The following IKZF5 variants were observed in gnomAD, a reference collection of about 807,000 sequenced individuals.
The protein encoded by IKZF5 is IKAROS family zinc finger 5.
IKZF5 carries 4 observed loss-of-function variants against 30.7 expected under a neutral mutation model. That is an observed-to-expected ratio of 0.13 (90% CI 0.06 to 0.30). The LOEUF is 0.30. Among genes scored for constraint, IKZF5 ranks in the 10% least tolerant of loss-of-function variants. The probability of loss-of-function intolerance (pLI) is 1.00; values close to 1 mark genes in which losing one functional copy is unlikely to be tolerated. For synonymous variants in IKZF5, 148 were observed against 179.6 expected, an observed-to-expected ratio of 0.82 and a Z score of 1.41; for missense variants, 348 against 525.5, an observed-to-expected ratio of 0.66 and a Z score of 3.30.
In IKZF5 at chr10:122,991,737, T is replaced by C. The variant is rs1467821095; in HGVS notation, c.*2043A>G. ...TGCTCTTTAAGTCATGGCAAAATTA[T>C]AATTTTACATTCTAGTATGTAATTA... is the stretch of plus-strand genomic sequence containing the variant. On this transcript the variant is annotated 3_prime_UTR_variant, in exon 5 of 5. Coordinates refer to ENST00000368886, the MANE Select transcript of IKZF5 (RefSeq NM_001372123.1). 2 of 152,202 alleles carry C rather than the reference T, an allele frequency of 1.3e-5. No homozygotes were observed. The highest frequency in any genetic ancestry group is 2.4e-5 in the African/African-American group (1 of 41,456). The allele number at this position is 152,202 out of a possible 1,614,324, so 9.4% of individuals were successfully genotyped here. A position where few individuals can be genotyped will look rare whatever the true frequency, so the allele number is the denominator to read the frequency against.
At chr10:123,007,582 G>A (rs1021286765) in intron 1 of IKZF5, among the ~76,000 whole-genome samples, 1 of 152,076 alleles carries the variant, frequency 6.6e-6, no homozygotes. Context: ...AATGGGAAAG[G>A]GCTTTAAATA....
intron 2 of IKZF5, among the ~76,000 whole-genome samples, chr10:123,002,945 A>T: frequency 6.6e-6 from 1 of 152,072 alleles, no homozygotes; most frequent in East Asian, 1.9e-4. Context: ...AGGTTCTGTT[A>T]TCTGTTGATT....
chr10:123,005,333 A>G (rs1318763757), intron 2 of IKZF5, among the ~76,000 whole-genome samples: 2 of 152,246 alleles, frequency 1.3e-5, no homozygotes, highest in East Asian at 1.9e-4. Context: ...CTTTGCAAAC[A>G]TAACAAAATA....
At position 122,994,350 on chromosome 10, in the gene IKZF5, C is replaced by T; in HGVS notation, c.690G>A (p.Met230Ile). The stretch of plus-strand genomic sequence containing the variant: ...GGCCACCAGTTGGTGTGGTTTTTGC[C>T]ATACTTTCATAGGAGTCAGTCTGGA... ...PNIQTDSYES[M>I]AKTTPTGGLP... Residue 230 changes from methionine (M) to isoleucine (I), a missense_variant, in exon 5 of 5, where the codon ATG (methionine) becomes ATA (isoleucine). Transcript: ENST00000368886. The surrounding 1 kb of genome is among the most constrained non-coding windows in gnomAD (Gnocchi z 5.6). 1 of 1,614,024 alleles carries T rather than the reference C, an allele frequency of 6.2e-7. No homozygotes were observed. Among genetic ancestry groups the T allele is most frequent in the South Asian group, 1.1e-5 (1 of 91,072 alleles).
rs548855309 is a variant in IKZF5, at chr10:122,993,666, T to C, written c.*114A>G. On this transcript the variant is annotated 3_prime_UTR_variant, in exon 5 of 5. Coordinates refer to ENST00000368886, the MANE Select transcript of IKZF5 (RefSeq NM_001372123.1). ...CACTGACAAATTTATATTCTATAAA[T>C]ATAATGTATAAGCCTTGAATTAGCA... 4.4e-4 allele frequency: 264 copies of C among 596,362 alleles called. No homozygotes were observed. In the African/African-American group the frequency reaches 4.5e-3, roughly 10 times the overall value. The allele number at this position is 596,362 out of a possible 1,614,324, so 36.9% of individuals were successfully genotyped here. A position where few individuals can be genotyped will look rare whatever the true frequency, so the allele number is the denominator to read the frequency against.
chr10:123,002,435 G>A (rs971865726), intron 2 of IKZF5, among the ~76,000 whole-genome samples: 45 of 151,156 alleles, frequency 3.0e-4, no homozygotes, highest in Admixed American at 1.3e-4. Flanking sequence ...CAGGAGAATC[G>A]CTTGAACCCG....
chr10:123,004,645 A>G (rs922956358), intron 2 of IKZF5, among the ~76,000 whole-genome samples: 42 of 149,850 alleles, frequency 2.8e-4, no homozygotes, highest in African/African-American at 8.8e-4. Flanking sequence ...AAAAAAAAGC[A>G]TGTCTATGAA....
intron 1 of IKZF5, among the ~76,000 whole-genome samples, chr10:123,008,073 A>T (rs1849874868): frequency 6.6e-6 from 1 of 152,166 alleles, no homozygotes; most frequent in African/African-American, 2.4e-5. Context: ...CAGTTTATCC[A>T]AAGATCTAAA....
chr10:123,003,985 C>T (rs187317655), intron 2 of IKZF5, among the ~76,000 whole-genome samples: 14 of 152,038 alleles, frequency 9.2e-5, no homozygotes, highest in Non-Finnish European at 1.8e-4. Context: ...TTTTTTTCCC[C>T]ATCTTATCAT....
At position 122,998,641 on chromosome 10, in the gene IKZF5, A is replaced by G. The variant is rs775417868; in HGVS notation, c.-16T>C. ...TTTCACCCATCTTTGCTTTTTTAAC[A>G]TTTACAGTTTGTTAGACCTAGAAAA... On this transcript the variant is annotated 5_prime_UTR_variant, in exon 3 of 5. It removes an upstream start codon present in the reference 5' UTR. Coordinates refer to ENST00000368886, the MANE Select transcript of IKZF5 (RefSeq NM_001372123.1). The G allele has an allele frequency of 2.1e-5, 34 of 1,610,832 alleles. No homozygotes were observed. The highest frequency in any genetic ancestry group is 2.4e-5 in the Non-Finnish European group (28 of 1,178,790).
At chr10:122,998,040 G>A (rs1849443890) in intron 3 of IKZF5, among the ~76,000 whole-genome samples, 1 of 152,154 alleles carries the variant, frequency 6.6e-6, no homozygotes, top group Non-Finnish European at 1.5e-5. Context: ...GGCTCAAGGA[G>A]GTCACCACTT....
chr10:122,998,188 AAGCT>A (rs1240403807), intron 3 of IKZF5: 6 of 212,070 alleles, frequency 2.8e-5, no homozygotes, highest in African/African-American at 1.4e-4. Flanking sequence ...TTGTATAGTG[AAGCT>A]GATATTCCAA....
At chr10:122,996,468 T>C (rs1023139270) in intron 3 of IKZF5, among the ~76,000 whole-genome samples, 3 of 150,736 alleles carry the variant, frequency 2.0e-5, no homozygotes, top group Non-Finnish European at 2.9e-5. Context: ...GGTGGGGGGA[T>C]AGCTTGAGGC....
chr10:122,996,234 T>C, intron 3 of IKZF5, 58 bp from the exon 4 acceptor site: 2 of 1,468,172 alleles, frequency 1.4e-6, no homozygotes, highest in Non-Finnish European at 1.9e-6. Context: ...CAATTTAGCA[T>C]TTCAGTTTTA....
Position 122,994,841 on chromosome 10 carries a change from C to A in IKZF5, c.317-118G>T, listed in dbSNP as rs372206976. The A allele has an allele frequency of 4.2e-4, 314 of 746,906 alleles. 4 individuals carry two copies. In the South Asian group the frequency reaches 4.8e-3, roughly 11 times the overall value. 46.3% of individuals were successfully genotyped at this position (746,906 alleles called of 1,614,324 possible). A position where few individuals can be genotyped will look rare whatever the true frequency, so the allele number is the denominator to read the frequency against. ...CAAAAAGAAAATGCTTTCAGAAAGT[C>A]ATATTTGCATAGCATATGAGATTGT... On this transcript the variant is annotated intron_variant, in intron 4 of 4. Transcript: ENST00000368886. This position sits in a 1 kb window ranked among gnomAD's most constrained non-coding sequence, Gnocchi z 5.6.
At chr10:122,999,336 A>G (rs1239617358) in intron 2 of IKZF5, among the ~76,000 whole-genome samples, 1 of 135,736 alleles carries the variant, frequency 7.4e-6, no homozygotes, top group African/African-American at 2.7e-5. Context: ...AGCTGCATGC[A>G]GCTAGTAACT....
At chr10:122,998,810 T>G (rs1435546383) in intron 2 of IKZF5, 139 bp from the exon 3 acceptor site, 10 of 394,630 alleles carry the variant, frequency 2.5e-5, no homozygotes, top group Non-Finnish European at 4.5e-6. Flanking sequence ...ACTGGTGAAC[T>G]AAAGACATAC....
rs1849243582 is a variant in IKZF5 at position 122,993,622 on chromosome 10, A to G, written c.*158T>C. On this transcript the variant is annotated 3_prime_UTR_variant, in exon 5 of 5. Coordinates refer to ENST00000368886, the MANE Select transcript of IKZF5 (RefSeq NM_001372123.1). Reference sequence around the variant, plus strand: ...TGACCCTGACCAGATTTTTATGAAAAAAAGGGGAAATTTTATTCCACTGAC... The same window carrying G: ...TGACCCTGACCAGATTTTTATGAAAGAAAGGGGAAATTTTATTCCACTGAC... The G allele has an allele frequency of 7.8e-6, 4 of 509,776 alleles. No homozygotes were observed. In the Admixed American group the frequency reaches 1.1e-4, roughly 14 times the overall value. 31.6% of individuals were successfully genotyped at this position (509,776 alleles called of 1,614,324 possible). A position where few individuals can be genotyped will look rare whatever the true frequency, so the allele number is the denominator to read the frequency against.
intron 2 of IKZF5, among the ~76,000 whole-genome samples, chr10:123,003,232 C>T (rs115544767): frequency 0.18 from 17,083 of 97,610 alleles, 1,243 homozygotes; most frequent in Middle Eastern, 0.36. Flanking sequence ...GGGGGTTTCA[C>T]CAGACTTTTG....
Sources: gnomAD v4.1 joint callset for allele counts (sites outside exome capture counted in the v4.1 genomes callset) on GRCh38, gnomAD v4.1.1 for gene constraint, Gnocchi (gnomAD v3.1) non-coding constraint, MANE v1.5 for transcripts, NCBI Gene and HGNC (gene_info 2026-07-23, HGNC 2026-07-21) for gene names.